PAIP1: variants seen among roughly 807,000 people sequenced by gnomAD.
PAIP1 encodes polyadenylate-binding protein-interacting protein 1.
PAIP1 carries 16 observed loss-of-function variants against 61.3 expected under a neutral mutation model. That is an observed-to-expected ratio of 0.26 (90% CI 0.18 to 0.40). PAIP1 has a LOEUF of 0.40. PAIP1 is among the 10% of genes least tolerant of loss of function. PAIP1 has a pLI of 1.00. For synonymous variants in PAIP1, 187 were observed against 226.2 expected, an observed-to-expected ratio of 0.83 and a Z score of 1.56; for missense variants, 416 against 600.9, an observed-to-expected ratio of 0.69 and a Z score of 3.22.
intron 2 of PAIP1, among the ~76,000 whole-genome samples, chr5:43,553,800 A>G (rs1747958241): frequency 6.6e-6 from 1 of 152,186 alleles, no homozygotes. Flanking sequence ...CAGAAAGCAA[A>G]TTAGAGCTCA....
chr5:43,546,182 A>T (rs1747628632), intron 3 of PAIP1, among the ~76,000 whole-genome samples: 1 of 152,246 alleles, frequency 6.6e-6, no homozygotes, highest in Non-Finnish European at 1.5e-5. Context: ...TGCATCATTG[A>T]TCATAGAATA....
intron 5 of PAIP1, 25 bp downstream of exon 5, chr5:43,538,899 A>T (rs910995699): frequency 4.2e-6 from 5 of 1,181,762 alleles, no homozygotes; most frequent in Non-Finnish European, 6.3e-6. Flanking sequence ...CCTTGTTAGT[A>T]CTTAACAAAA....
Position 43,533,771 on chromosome 5 carries a change from A to T in PAIP1, c.1219T>A (p.Ser407Thr). ...GCTGCAGTGAAAGGAACACCATCAG[A>T]TGTATAAAATGTTGGTTCATTCTAG... ...YFMNEPTFYT[S>T]DGVPFTAADP... The change falls in exon 9 of 11, where the codon TCT (serine) becomes ACT (threonine). Residue 407 changes from serine to threonine, a missense_variant. Around this residue, in one of 4 missense-constraint regions of PAIP1, gnomAD observed 135 missense variants for 283.9 expected, o/e 0.48. Coordinates refer to ENST00000306846, the MANE Select transcript of PAIP1 (RefSeq NM_006451.5). The T allele has an allele frequency of 6.3e-7, 1 of 1,581,788 alleles. No homozygotes were observed. Among genetic ancestry groups the T allele is most frequent in the Non-Finnish European group, 8.7e-7 (1 of 1,150,504 alleles).
At chr5:43,537,511 C>T (rs1317542130) in intron 5 of PAIP1, among the ~76,000 whole-genome samples, 4 of 152,018 alleles carry the variant, frequency 2.6e-5, no homozygotes, top group African/African-American at 9.7e-5. Context: ...CTAAGTCTAC[C>T]TGTGGTAAAA....
In PAIP1 at chr5:43,547,042, CAAAAAAAAA is replaced by C. The variant is rs766493987; in HGVS notation, c.621+677_621+685del. On this transcript the variant is annotated intron_variant, in intron 3 of 10. Coordinates refer to ENST00000306846, the MANE Select transcript of PAIP1 (RefSeq NM_006451.5). ...TGGGAGACAGGGCAAGACTCCATAT[CAAAAAAAAA>C]AAAAAAAAAAAAAAAAAAGCGTTAA... 2.1e-3 allele frequency among the ~76,000 whole-genome samples: 75 copies of C among 35,668 alleles called. 1 individual carries two copies. The highest frequency in any genetic ancestry group is 9.6e-3 in the African/African-American group (70 of 7,310). The allele number at this position is 35,668 out of a possible 152,430, so 23.4% of individuals were successfully genotyped here.
chr5:43,556,439 C>G lies in PAIP1; in HGVS notation c.265+143G>C, dbSNP rs183058567. The G allele has an allele frequency of 5.8e-6, 7 of 1,208,282 alleles. No individual in the cohort carries two copies. The East Asian group carries it at 9.6e-5, about 17-fold the overall frequency. 74.8% of individuals were successfully genotyped at this position (1,208,282 alleles called of 1,614,324 possible). On this transcript the variant is annotated intron_variant, in intron 1 of 10. Transcript: ENST00000306846. ...AAACCCGGTTCCGGGCCCGTCCCTA[C>G]CCGGTCACGCGGCCCTCTCGGGGAA...
chr5:43,528,973 A>AAG (rs1746820314), intron 10 of PAIP1, among the ~76,000 whole-genome samples: 1 of 152,172 alleles, frequency 6.6e-6, no homozygotes, highest in South Asian at 2.1e-4. Context: ...ACAGATATAT[A>AAG]AACAGTCCTA....
chr5:43,534,932 C>T lies in PAIP1; in HGVS notation c.1118G>A (p.Arg373Gln), dbSNP rs748118672. 1.6e-5 allele frequency: 26 copies of T among 1,609,768 alleles called. No individual in the cohort carries two copies. Among genetic ancestry groups the T allele is most frequent in the African/African-American group, 5.3e-5 (4 of 74,830 alleles). The change falls in exon 8 of 11, where the codon CGG (arginine) becomes CAG (glutamine). Residue 373 changes from arginine to glutamine, a missense_variant. Around this residue, in one of 4 missense-constraint regions of PAIP1, gnomAD observed 135 missense variants for 283.9 expected, o/e 0.48. Transcript: ENST00000306846. ...KQMLLKLVEL[R>Q]SSNWGRVHAT... The stretch of plus-strand genomic sequence containing the variant: ...ATGGACTCTGCCCCAGTTACTTGAC[C>T]GGAGTTCTACAAGCTTCAAGAGCAT...
chr5:43,536,877 T>C lies in PAIP1; in HGVS notation c.914A>G (p.Asn305Ser), dbSNP rs923942364. ...ILQVGLRELL[N>S]ALFSNPMDDN... Reference sequence around the variant, plus strand: ...ATCCATAGGATTAGAAAACAGGGCATTCAGCAATTCTCGAAGACCAACCTG... The same window carrying C: ...ATCCATAGGATTAGAAAACAGGGCACTCAGCAATTCTCGAAGACCAACCTG... The change falls in exon 6 of 11, where the codon AAT (asparagine) becomes AGT (serine). Residue 305 changes from asparagine to serine, a missense_variant. Physicochemically the swap from Asn to Ser is conservative, Grantham distance 46. This residue lies in a region of PAIP1 where 135 missense variants were observed against 283.9 expected (regional missense o/e 0.48). Transcript: ENST00000306846. The C allele has an allele frequency of 1.9e-6, 3 of 1,575,382 alleles. No individual in the cohort carries two copies. Among genetic ancestry groups the C allele is most frequent in the East Asian group, 4.5e-5 (2 of 44,590 alleles).
At chr5:43,531,084 G>A (rs1237986434) in intron 9 of PAIP1, among the ~76,000 whole-genome samples, 13 of 152,160 alleles carry the variant, frequency 8.5e-5, no homozygotes, top group Admixed American at 8.5e-4. Flanking sequence ...GCTTGGTCAT[G>A]TCTGCCTGGG....
Position 43,547,755 on chromosome 5 carries a change from T to C in PAIP1, c.594A>G (p.Gln198=). The C allele has an allele frequency of 2.5e-6, 4 of 1,610,042 alleles. No homozygotes were observed. The highest frequency in any genetic ancestry group is 3.4e-6 in the Non-Finnish European group (4 of 1,179,176). ...NGCVTTDDAL[Q]ELVELIYQQA... is the part of the protein sequence containing the mutation. ...GTTGATAGATGAGTTCCACAAGTTC[T>C]TGCAAAGCATCATCTGTTGTAACAC... The change falls in exon 3 of 11, where the codon CAA becomes CAG. Residue 198 remains glutamine, a synonymous_variant. Coordinates refer to ENST00000306846, the MANE Select transcript of PAIP1 (RefSeq NM_006451.5).
chr5:43,535,107 T>C (rs553355688), intron 7 of PAIP1, 137 bp from the exon 8 acceptor site: 1 of 622,864 alleles, frequency 1.6e-6, no homozygotes, highest in East Asian at 2.7e-5. Flanking sequence ...ACGTTTCCTA[T>C]ATGACATAAA....
Position 43,528,880 on chromosome 5 carries a change from A to G in PAIP1, c.1346+906T>C, listed in dbSNP as rs144218791. 3.5e-4 allele frequency among the ~76,000 whole-genome samples: 53 copies of G among 152,314 alleles called. No individual in the cohort carries two copies. In the East Asian group the frequency reaches 9.4e-3, roughly 27 times the overall value. ...AACCTCACAATTTCCTGGTCCTTCT[A>G]TAAGAAAATGTAGTGCACTCTGATG... On this transcript the variant is annotated intron_variant, in intron 10 of 10. Coordinates refer to ENST00000306846, the MANE Select transcript of PAIP1 (RefSeq NM_006451.5).
chr5:43,550,554 C>T (rs1393430437), intron 2 of PAIP1, among the ~76,000 whole-genome samples: 5 of 152,042 alleles, frequency 3.3e-5, no homozygotes, highest in Non-Finnish European at 7.4e-5. Flanking sequence ...ATGTGATAGA[C>T]ACCATAAGGG....
intron 3 of PAIP1, among the ~76,000 whole-genome samples, chr5:43,544,410 G>A (rs1206765765): frequency 6.6e-6 from 1 of 151,912 alleles, no homozygotes; most frequent in East Asian, 1.9e-4. Context: ...TCCCATTATT[G>A]GCACTGCATG....
chr5:43,538,984 A>G lies in PAIP1; in HGVS notation c.786T>C (p.Val262=), dbSNP rs373193129. 14 of 1,611,972 alleles carry G rather than the reference A, an allele frequency of 8.7e-6. No individual in the cohort carries two copies. In the African/African-American group the frequency reaches 1.7e-4, roughly 20 times the overall value. ...VKDQAAKGDE[V]TRKRFHAFVL... is the part of the protein sequence containing the mutation. ...CAAATGCATGAAATCGTTTTCGAGT[A>G]ACTTCATCCCCTTTTGCAGCTTGAT... The change falls in exon 5 of 11, where the codon GTT becomes GTC. Residue 262 remains valine (V), a synonymous_variant. Transcript: ENST00000306846.
Position 43,547,897 on chromosome 5 carries a change from C to T in PAIP1, c.452G>A (p.Gly151Asp), listed in dbSNP as rs1462523269. The T allele has an allele frequency of 6.2e-7, 1 of 1,608,474 alleles. No individual in the cohort carries two copies. Among genetic ancestry groups the T allele is most frequent in the Non-Finnish European group, 8.5e-7 (1 of 1,176,708 alleles). ...SSSYTESYED[G>D]CEDYPTLSEY... ...TGATAGAGTAGGATAATCCTCACAACCATCCTCATAGGATTCCTACGGATC... is the reference window on the plus strand; with the variant it reads ...TGATAGAGTAGGATAATCCTCACAATCATCCTCATAGGATTCCTACGGATC... Residue 151 changes from glycine to aspartate, a missense_variant, in exon 3 of 11, where the codon GGT becomes GAT. Gly to Asp is a moderately conservative substitution (Grantham distance 94, BLOSUM62 -1). Around this residue, in one of 4 missense-constraint regions of PAIP1, gnomAD observed 180 missense variants for 211.2 expected, o/e 0.85. Coordinates refer to ENST00000306846, the MANE Select transcript of PAIP1 (RefSeq NM_006451.5).
chr5:43,528,226 A>G (rs1168961971), intron 10 of PAIP1, among the ~76,000 whole-genome samples: 1 of 152,204 alleles, frequency 6.6e-6, no homozygotes, highest in Non-Finnish European at 1.5e-5. Flanking sequence ...GGTTAAATGA[A>G]CAATGTAAAA....
At chr5:43,529,978 C>A (rs1746874306) in intron 9 of PAIP1, 99 bp from the exon 10 acceptor site, 3 of 664,806 alleles carry the variant, frequency 4.5e-6, no homozygotes, top group East Asian at 2.7e-5. Context: ...CTTTTGCCCC[C>A]CTGCATGCTC....
Sources: gnomAD v4.1 joint callset for allele counts (sites outside exome capture counted in the v4.1 genomes callset) on GRCh38, gnomAD v4.1.1 for gene constraint, gnomAD v4.1.1 regional missense constraint, MANE v1.5 for transcripts, NCBI Gene and HGNC (gene_info 2026-07-23, HGNC 2026-07-21) for gene names.